Variants in NIT2 observed in about 807,000 individuals in gnomAD.
NIT2 encodes nitrilase family member 2, also known as omega-amidase NIT2.
NIT2 carries 46 observed loss-of-function variants against 42.7 expected under a neutral mutation model. That is an observed-to-expected ratio of 1.08 (90% CI 0.85 to 1.38). NIT2 has a LOEUF of 1.38. Ranked by LOEUF, NIT2 falls within the 40% of genes most tolerant of loss-of-function variation. The pLI is 0.00. For missense variants in NIT2, 309 were observed against 342.5 expected (o/e 0.90, Z 0.77); for synonymous variants, 123 against 121.9 (o/e 1.01, Z -0.06).
intron 1 of NIT2, among the ~76,000 whole-genome samples, chr3:100,338,790 C>T (rs548285929): frequency 2.0e-5 from 3 of 152,254 alleles, no homozygotes; most frequent in East Asian, 3.9e-4. Flanking sequence ...GGGACTTTGC[C>T]CATGGATATT....
Position 100,357,730 on chromosome 3 carries a change from C to T in NIT2, c.*2462C>T, listed in dbSNP as rs1706337449. The T allele has an allele frequency of 6.6e-6, 1 of 150,478 alleles. No homozygotes were observed. The highest frequency in any genetic ancestry group is 2.1e-4 in the South Asian group (1 of 4,764). The allele number at this position is 150,478 out of a possible 1,614,324, so 9.3% of individuals were successfully genotyped here. On this transcript the variant is annotated 3_prime_UTR_variant, in exon 10 of 10. Coordinates refer to ENST00000394140, the MANE Select transcript of NIT2 (RefSeq NM_020202.5). ...TCTTGGTTCACTGCATCCTCTACCT[C>T]CTTGGTTGAAGCAATTCTCAGGCCT...
chr3:100,336,959 G>C (rs545375614), intron 1 of NIT2, among the ~76,000 whole-genome samples: 28 of 152,334 alleles, frequency 1.8e-4, no homozygotes, highest in East Asian at 9.6e-4. Flanking sequence ...AAACCTTGGA[G>C]AATACCTGGC....
In NIT2 at chr3:100,357,174, C is replaced by T. The variant is rs1041061344; in HGVS notation, c.*1906C>T. On this transcript the variant is annotated 3_prime_UTR_variant, in exon 10 of 10. Coordinates refer to ENST00000394140, the MANE Select transcript of NIT2 (RefSeq NM_020202.5). ...GATTTTGGCTGTTGCAAAAAAGCAACCTCACAGATCCTTTTAAAGGATGTC... is the reference window on the plus strand; with the variant it reads ...GATTTTGGCTGTTGCAAAAAAGCAATCTCACAGATCCTTTTAAAGGATGTC... The T allele has an allele frequency of 1.3e-5, 2 of 152,172 alleles. No individual in the cohort carries two copies. Among genetic ancestry groups the T allele is most frequent in the African/African-American group, 4.8e-5 (2 of 41,436 alleles). 9.4% of individuals were successfully genotyped at this position (152,172 alleles called of 1,614,324 possible). A position where few individuals can be genotyped will look rare whatever the true frequency, so the allele number is the denominator to read the frequency against.
rs568323118 is a variant in NIT2, at chr3:100,360,575, CA to C, written c.*5317del. The C allele has an allele frequency of 4.0e-5, 6 of 148,998 alleles. No homozygotes were observed. Among genetic ancestry groups the C allele is most frequent in the Non-Finnish European group, 9.0e-5 (6 of 66,984 alleles). 9.2% of individuals were successfully genotyped at this position (148,998 alleles called of 1,614,324 possible). A position where few individuals can be genotyped will look rare whatever the true frequency, so the allele number is the denominator to read the frequency against. ...CCTGGGCAACAGAGTTAAACTGTAT[CA>C]AAAAAAAAATGCAGTATTGATTTAG... On this transcript the variant is annotated 3_prime_UTR_variant, in exon 10 of 10. Transcript: ENST00000394140.
At chr3:100,346,727 T>G (rs544866943) in intron 6 of NIT2, among the ~76,000 whole-genome samples, 2 of 152,334 alleles carry the variant, frequency 1.3e-5, no homozygotes, top group Admixed American at 1.3e-4. Context: ...GCTAAAATGA[T>G]TTCACCTCTA....
At chr3:100,347,784 G>T (rs6784494) in intron 6 of NIT2, among the ~76,000 whole-genome samples, 8,791 of 152,262 alleles carry the variant, frequency 0.058, 518 homozygotes, top group Admixed American at 0.16. Flanking sequence ...GAAAATAGTG[G>T]AAGTATGGAG....
In NIT2 at chr3:100,339,310, C is replaced by T. The variant is rs1315565598; in HGVS notation, c.126+105C>T. The stretch of plus-strand genomic sequence containing the variant: ...TGTATCCTGGGGTCCAGCAGTGTCC[C>T]TTGGAGCCCATAGATTGTTCCGAGT... On this transcript the variant is annotated intron_variant, in intron 2 of 9. Coordinates refer to ENST00000394140, the MANE Select transcript of NIT2 (RefSeq NM_020202.5). The T allele has an allele frequency of 5.2e-6, 4 of 776,618 alleles. No individual in the cohort carries two copies. In the East Asian group the frequency reaches 9.9e-5, roughly 19 times the overall value. 48.1% of individuals were successfully genotyped at this position (776,618 alleles called of 1,614,324 possible). A position where few individuals can be genotyped will look rare whatever the true frequency, so the allele number is the denominator to read the frequency against.
rs564454596 is a variant in NIT2, at chr3:100,352,499, C to A, written c.680C>A (p.Pro227His). Residue 227 changes from proline to histidine, a missense_variant, in exon 8 of 10, where the codon CCT becomes CAT. Physicochemically the swap from Pro to His is moderately conservative, Grantham distance 77. Coordinates refer to ENST00000394140, the MANE Select transcript of NIT2 (RefSeq NM_020202.5). ...VAWGHSTVVN[P>H]WGEVLAKAGT... is the part of the protein sequence containing the mutation. ...TGGGGACACAGCACCGTGGTGAACC[C>A]TTGGTGAGTAAGGCTAAGTGAGAAT... 2 of 1,611,898 alleles carry A rather than the reference C, an allele frequency of 1.2e-6. No homozygotes were observed. Among genetic ancestry groups the A allele is most frequent in the South Asian group, 1.1e-5 (1 of 91,012 alleles).
intron 4 of NIT2, among the ~76,000 whole-genome samples, chr3:100,343,176 T>A (rs1297187721): frequency 6.6e-6 from 1 of 152,024 alleles, no homozygotes; most frequent in East Asian, 1.9e-4. Flanking sequence ...GTATTTTGAC[T>A]CTGATATGCC....
chr3:100,336,993 G>A (rs1706083745), intron 1 of NIT2, among the ~76,000 whole-genome samples: 1 of 152,210 alleles, frequency 6.6e-6, no homozygotes, highest in Admixed American at 6.5e-5. Context: ...GGTCCCTGCG[G>A]CCTTCCGCAG....
chr3:100,354,732 C>T, intron 8 of NIT2, 40 bp from the exon 9 acceptor site: 3 of 1,534,130 alleles, frequency 2.0e-6, no homozygotes, highest in Non-Finnish European at 2.7e-6. Flanking sequence ...TATCACCAAA[C>T]ATCAGTGAAT....
intron 8 of NIT2, 124 bp from the exon 9 acceptor site, chr3:100,354,648 C>T (rs1236986749): frequency 6.5e-6 from 4 of 613,882 alleles, no homozygotes; most frequent in Non-Finnish European, 1.1e-5. Flanking sequence ...ATCTGTACGA[C>T]TACCTTCTTG....
At chr3:100,344,139 C>T (rs951717253) in intron 4 of NIT2, among the ~76,000 whole-genome samples, 1 of 152,186 alleles carries the variant, frequency 6.6e-6, no homozygotes, top group Non-Finnish European at 1.5e-5. Context: ...AGGATTTCCC[C>T]CCTTGGTTTC....
At position 100,353,713 on chromosome 3, in the gene NIT2, T is replaced by A. The variant is rs567031156; in HGVS notation, c.684-1059T>A. ...TTATTTTGGAGAAGGTTCATTTCTC[T>A]AGGTAAGGGTTTGAACCCTTGCTCT... On this transcript the variant is annotated intron_variant, in intron 8 of 9. Transcript: ENST00000394140. Among the ~76,000 whole-genome samples the A allele has an allele frequency of 5.3e-5, 8 of 152,254 alleles. No homozygotes were observed. The South Asian group carries it at 1.4e-3, about 28-fold the overall frequency.
rs770763327 is a variant in NIT2, at chr3:100,354,811, C to T, written c.723C>T (p.Ile241=). Residue 241 remains isoleucine (I), a synonymous_variant, in exon 9 of 10, where the codon ATC becomes ATT. Coordinates refer to ENST00000394140, the MANE Select transcript of NIT2 (RefSeq NM_020202.5). ...VLAKAGTEEA[I]VYSDIDLKKL... is the part of the protein sequence containing the mutation. ...CCAAAGCTGGCACAGAAGAAGCAAT[C>T]GTGTATTCAGACATAGGTAAGATTT... 6.8e-6 allele frequency: 11 copies of T among 1,610,386 alleles called. No individual in the cohort carries two copies. Among genetic ancestry groups the T allele is most frequent in the African/African-American group, 4.0e-5 (3 of 74,828 alleles).
intron 4 of NIT2, among the ~76,000 whole-genome samples, chr3:100,342,814 T>G (rs1314690891): frequency 6.6e-6 from 1 of 152,146 alleles, no homozygotes; most frequent in Admixed American, 6.5e-5. Context: ...CCCAAATATT[T>G]ATCATTTCTG....
At chr3:100,338,660 A>C (rs777838845) in intron 1 of NIT2, among the ~76,000 whole-genome samples, 2 of 152,224 alleles carry the variant, frequency 1.3e-5, no homozygotes, top group African/African-American at 2.4e-5. Context: ...GCCCATGAAC[A>C]AACAGTAAGG....
rs574444359 is a variant in NIT2 at position 100,346,255 on chromosome 3, G to C, written c.505G>C (p.Gly169Arg). 6.2e-7 allele frequency: 1 copy of C among 1,613,922 alleles called. No homozygotes were observed. The highest frequency in any genetic ancestry group is 2.2e-5 in the East Asian group (1 of 44,858). Reference protein sequence around the residue: ...AELAQIYAQRGCQLLVYPGAF... With the variant: ...AELAQIYAQRRCQLLVYPGAF... ...GCTTGCACAAATCTACGCACAGAGA[G>C]GTGAGGCAGTGTAATAGCTGTGTTA... is the stretch of plus-strand genomic sequence containing the variant. Residue 169 changes from glycine to arginine, a missense_variant and splice_region_variant, in exon 6 of 10, where the codon GGC (glycine) becomes CGC (arginine). By Grantham distance (125) the Gly-to-Arg change is moderately radical (BLOSUM62 -2). Transcript: ENST00000394140.
At position 100,348,823 on chromosome 3, in the gene NIT2, C is replaced by T; in HGVS notation, c.526C>T (p.Pro176Ser). Reference protein sequence around the residue: ...AQRGCQLLVYPGAFNLTTGPA... With the variant: ...AQRGCQLLVYSGAFNLTTGPA... ...CCAAGGCTGCCAGCTGTTGGTATAT[C>T]CAGGAGCTTTTAATCTGACCACTGG... is the stretch of plus-strand genomic sequence containing the variant. Residue 176 changes from proline to serine, a missense_variant, in exon 7 of 10, where the codon CCA becomes TCA. Coordinates refer to ENST00000394140, the MANE Select transcript of NIT2 (RefSeq NM_020202.5). 1 of 1,614,062 alleles carries T rather than the reference C, an allele frequency of 6.2e-7. No individual in the cohort carries two copies. The highest frequency in any genetic ancestry group is 8.5e-7 in the Non-Finnish European group (1 of 1,179,930).
Sources: gnomAD v4.1 joint callset for allele counts (sites outside exome capture counted in the v4.1 genomes callset) on GRCh38, gnomAD v4.1.1 for gene constraint, MANE v1.5 for transcripts, NCBI Gene and HGNC (gene_info 2026-07-23, HGNC 2026-07-21) for gene names.